PLB1: variants seen among roughly 807,000 people sequenced by gnomAD.
PLB1 encodes the protein phospholipase B1, membrane-associated.
A neutral mutation model predicts 227.4 loss-of-function variants in PLB1; 242 were observed. The observed-to-expected ratio is 1.06, with a 90% CI of 0.96 to 1.18. The LOEUF is 1.18. Ranked by LOEUF, PLB1 falls within the 50% of genes most tolerant of loss-of-function variation. The probability of loss-of-function intolerance (pLI) is 0.00; values close to 1 mark genes in which losing one functional copy is unlikely to be tolerated. For missense variants in PLB1, 1,858 were observed against 1,816.3 expected, an observed-to-expected ratio of 1.02 and a Z score of -0.42; for synonymous variants, 757 against 682.2, an observed-to-expected ratio of 1.11 and a Z score of -1.71.
chr2:28,546,682 T>C (rs12714236), intron 14 of PLB1, among the ~76,000 whole-genome samples: 134,685 of 152,146 alleles, frequency 0.89, 59,949 homozygotes, highest in East Asian at 0.99. Context: ...TCAGAGCCAG[T>C]GTAAAGGGAA....
At chr2:28,501,405 G>A (rs1667085649) in intron 1 of PLB1, among the ~76,000 whole-genome samples, 1 of 152,080 alleles carries the variant, frequency 6.6e-6, no homozygotes. Context: ...AAAATATTGT[G>A]TTCAGAATCA....
At chr2:28,527,469 A>G (rs1029512853) in intron 6 of PLB1, among the ~76,000 whole-genome samples, 2 of 152,234 alleles carry the variant, frequency 1.3e-5, no homozygotes, top group African/African-American at 4.8e-5. Flanking sequence ...GCTGTGCAGC[A>G]TGGGATGGGG....
At chr2:28,574,549 A>ATTT in intron 21 of PLB1, among the ~76,000 whole-genome samples, 1 of 130,166 alleles carries the variant, frequency 7.7e-6, no homozygotes, top group Non-Finnish European at 1.6e-5. Context: ...TTCCCGGCTA[A>ATTT]TTTTTTTTTT....
intron 4 of PLB1, among the ~76,000 whole-genome samples, chr2:28,523,818 C>T (rs1025110905): frequency 1.1e-4 from 17 of 152,232 alleles, no homozygotes; most frequent in Non-Finnish European, 2.5e-4. Flanking sequence ...TAAGTGTTCA[C>T]ATTTCCAGCT....
chr2:28,537,951 T>TG (rs780822474), intron 9 of PLB1, among the ~76,000 whole-genome samples: 1 of 152,158 alleles, frequency 6.6e-6, no homozygotes, highest in Non-Finnish European at 1.5e-5. Context: ...TGATTTTCTT[T>TG]GGGAAAAAGC....
chr2:28,572,142 A>G (rs1285958294), intron 20 of PLB1, among the ~76,000 whole-genome samples: 1 of 152,250 alleles, frequency 6.6e-6, no homozygotes, highest in Non-Finnish European at 1.5e-5. Flanking sequence ...GCAAATGACT[A>G]GTAAGCACTT....
At chr2:28,631,400 A>C (rs1448460263) in intron 54 of PLB1, among the ~76,000 whole-genome samples, 1 of 152,094 alleles carries the variant, frequency 6.6e-6, no homozygotes, top group East Asian at 1.9e-4. Context: ...TCACCCGCGG[A>C]CATCTCCCCA....
intron 26 of PLB1, among the ~76,000 whole-genome samples, chr2:28,587,709 C>T (rs1224893144): frequency 6.6e-6 from 1 of 152,208 alleles, no homozygotes; most frequent in East Asian, 1.9e-4. Flanking sequence ...CAGCTGCCAC[C>T]TTCAGCAGAA....
chr2:28,533,196 A>G lies in PLB1; in HGVS notation c.555+1002A>G, dbSNP rs554083585. ...CCACACTCCCACTGACTCCAGGCTCACCGTCAGAACTCCCCTTCCTTTAGT... is the reference window on the plus strand; with the variant it reads ...CCACACTCCCACTGACTCCAGGCTCGCCGTCAGAACTCCCCTTCCTTTAGT... On this transcript the variant is annotated intron_variant, in intron 9 of 57. Coordinates refer to ENST00000327757, the MANE Select transcript of PLB1 (RefSeq NM_153021.5). Among the ~76,000 whole-genome samples the G allele has an allele frequency of 2.7e-4, 41 of 152,306 alleles. 2 individuals are homozygous for G. The Middle Eastern group carries it at 0.01, about 38-fold the overall frequency.
intron 4 of PLB1, among the ~76,000 whole-genome samples, chr2:28,522,385 G>C (rs1669636783): frequency 1.3e-5 from 2 of 152,126 alleles, no homozygotes; most frequent in Non-Finnish European, 1.5e-5. Flanking sequence ...ACTTGTGACT[G>C]TGGTGTTGGT....
intron 56 of PLB1, among the ~76,000 whole-genome samples, chr2:28,634,141 G>T (rs1428420609): frequency 6.6e-6 from 1 of 152,058 alleles, no homozygotes; most frequent in Non-Finnish European, 1.5e-5. Flanking sequence ...AGCTTATGTC[G>T]ACTTCCATTG....
intron 9 of PLB1, among the ~76,000 whole-genome samples, chr2:28,534,206 A>G (rs1197823049): frequency 1.3e-5 from 2 of 152,138 alleles, no homozygotes; most frequent in African/African-American, 4.8e-5. Flanking sequence ...AATTTACTAC[A>G]TTTTATTTCA....
chr2:28,496,330 T>C (rs1000274821), intron 1 of PLB1, among the ~76,000 whole-genome samples, 161 bp downstream of exon 1: 2 of 152,120 alleles, frequency 1.3e-5, no homozygotes, highest in Admixed American at 1.3e-4. Flanking sequence ...TCCTGCGGAA[T>C]GGGATGCAGA....
At chr2:28,614,318 G>A (rs774969144) in intron 44 of PLB1, among the ~76,000 whole-genome samples, 1 of 152,170 alleles carries the variant, frequency 6.6e-6, no homozygotes, top group African/African-American at 2.4e-5. Context: ...AGCAGAGGAA[G>A]TGTCTATGGA....
rs367614598 is a variant in PLB1, at chr2:28,529,779, G to C, written c.468G>C (p.Leu156=). The change falls in exon 8 of 58, where the codon CTG becomes CTC. Residue 156 remains leucine (L), a splice_region_variant and synonymous_variant. Coordinates refer to ENST00000327757, the MANE Select transcript of PLB1 (RefSeq NM_153021.5). The part of the protein sequence containing the change: ...QELVRNMKEN[L]QLDFQFDWKL... ...TGGTGAGAAACATGAAAGAGAACCT[G>C]GTAAGCATCCGTCCAACTCTGGCAT... is the stretch of plus-strand genomic sequence containing the variant. 1 of 1,614,016 alleles carries C rather than the reference G, an allele frequency of 6.2e-7. No individual in the cohort carries two copies. The highest frequency in any genetic ancestry group is 1.1e-5 in the South Asian group (1 of 91,068).
rs1347108450 is a variant in PLB1, at chr2:28,626,510, T to G, written c.3660+2T>G. The G allele has an allele frequency of 6.2e-7, 1 of 1,613,602 alleles. No individual in the cohort carries two copies. Among genetic ancestry groups the G allele is most frequent in the Non-Finnish European group, 8.5e-7 (1 of 1,179,520 alleles). ...TTGTGTCATTACTGTGAGAATCCGG[T>G]AGGCCCCCGACCAACCCCATGGGGA... On this transcript the variant is annotated splice_donor_variant, in intron 51 of 57. Coordinates refer to ENST00000327757, the MANE Select transcript of PLB1 (RefSeq NM_153021.5). LOFTEE classifies it high-confidence loss of function.
At chr2:28,542,176 C>G (rs1331246232) in intron 13 of PLB1, among the ~76,000 whole-genome samples, 1 of 151,910 alleles carries the variant, frequency 6.6e-6, no homozygotes, top group Non-Finnish European at 1.5e-5. Flanking sequence ...GGGGAGGAGG[C>G]CTGGGCCATA....
intron 33 of PLB1, among the ~76,000 whole-genome samples, chr2:28,597,272 A>G (rs2148293494): frequency 6.6e-6 from 1 of 152,110 alleles, no homozygotes; most frequent in East Asian, 1.9e-4. Flanking sequence ...TCGAAAAAAA[A>G]AAAAAAAAAA....
At chr2:28,574,212 CTT>C (rs1425114190) in intron 21 of PLB1, among the ~76,000 whole-genome samples, 1 of 152,040 alleles carries the variant, frequency 6.6e-6, no homozygotes, top group African/African-American at 2.4e-5. Flanking sequence ...TATTTCAACA[CTT>C]TTTGGGGTAC....
Sources: gnomAD v4.1 joint callset for allele counts (sites outside exome capture counted in the v4.1 genomes callset) on GRCh38, gnomAD v4.1.1 for gene constraint, MANE v1.5 for transcripts, NCBI Gene and HGNC (gene_info 2026-07-23, HGNC 2026-07-21) for gene names.